The following MAGED1 variants were observed in gnomAD, a reference collection of about 807,000 sequenced individuals.
MAGED1 encodes the protein MAGE family member D1.
MAGED1 carries 3 observed loss-of-function variants against 54.1 expected under a neutral mutation model. That is an observed-to-expected ratio of 0.06 (90% CI 0.03 to 0.14). The LOEUF (loss-of-function observed/expected upper bound fraction) is 0.14. MAGED1 is among the 10% of genes least tolerant of loss of function. MAGED1 has a pLI of 1.00. For synonymous variants in MAGED1, 217 were observed against 227.3 expected, an observed-to-expected ratio of 0.95 and a Z score of 0.41; for missense variants, 485 against 623.4, an observed-to-expected ratio of 0.78 and a Z score of 2.36.
At chrX:51,838,142 T>C (rs1926319613) in intron 1 of MAGED1, among the ~76,000 whole-genome samples, 1 of 112,591 alleles carries the variant, frequency 8.9e-6, no homozygotes, top group African/African-American at 3.2e-5. Flanking sequence ...ATTGGCTGTT[T>C]ACTACTTTCC....
chrX:51,872,893 G>A (rs1927732432), intron 1 of MAGED1, among the ~76,000 whole-genome samples: 1 of 111,084 alleles, frequency 9.0e-6, no homozygotes, highest in Admixed American at 9.6e-5. Context: ...CCCTTATTTA[G>A]CAAATAATTA....
At chrX:51,882,979 C>A (rs1219027184) in intron 1 of MAGED1, among the ~76,000 whole-genome samples, 1 of 112,124 alleles carries the variant, frequency 8.9e-6, no homozygotes, top group Non-Finnish European at 1.9e-5. Context: ...GCGTGAGCCA[C>A]TGCACCTGGC....
At chrX:51,843,516 A>G (rs1441274664) in intron 1 of MAGED1, among the ~76,000 whole-genome samples, 2 of 111,647 alleles carry the variant, frequency 1.8e-5, no homozygotes, top group Non-Finnish European at 3.8e-5. Flanking sequence ...AACAGCCTCT[A>G]GAAAATGGAA....
chrX:51,830,930 C>T lies in MAGED1; in HGVS notation c.-37+27813C>T, dbSNP rs1926041128. Among the ~76,000 whole-genome samples, 6 of 112,148 alleles carry T rather than the reference C, an allele frequency of 5.4e-5. No homozygotes were observed. The Admixed American group carries it at 5.6e-4, about 11-fold the overall frequency. ...AGGCTGGAGTGCAGTGGCACGATCT[C>T]AGCTCACTACAACCTCTGCTTCCCT... On this transcript the variant is annotated intron_variant, in intron 1 of 12. Coordinates refer to the MAGED1 transcript ENST00000375772.
chrX:51,860,031 C>T (rs1011946059), intron 1 of MAGED1, among the ~76,000 whole-genome samples: 2 of 111,236 alleles, frequency 1.8e-5, no homozygotes, highest in East Asian at 5.7e-4. Context: ...TTTGGAAGGC[C>T]GAGGCGGGCA....
upstream of MAGED1, among the ~76,000 whole-genome samples, chrX:51,890,300 A>G (rs1337353179): frequency 8.9e-6 from 1 of 112,212 alleles, no homozygotes; most frequent in Non-Finnish European, 1.9e-5. Context: ...TACAACTGAA[A>G]AGTCGTGCCT....
intron 1 of MAGED1, among the ~76,000 whole-genome samples, chrX:51,860,632 A>C (rs782663893): frequency 1.8e-5 from 2 of 111,430 alleles, no homozygotes; most frequent in Non-Finnish European, 3.8e-5. Context: ...TGCTGCTGTG[A>C]AGCAAGTAGG....
At chrX:51,884,390 T>A (rs1928169593) in intron 1 of MAGED1, among the ~76,000 whole-genome samples, 1 of 111,926 alleles carries the variant, frequency 8.9e-6, no homozygotes, top group South Asian at 3.7e-4. Flanking sequence ...TGGAATTAAA[T>A]ACCCAATGAA....
intron 1 of MAGED1, among the ~76,000 whole-genome samples, chrX:51,870,539 C>T (rs1927633379): frequency 8.9e-6 from 1 of 111,827 alleles, no homozygotes; most frequent in Non-Finnish European, 1.9e-5. Flanking sequence ...CATGCTCTTT[C>T]CCCAGAGACA....
chrX:51,881,452 G>A (rs371771747), intron 1 of MAGED1, among the ~76,000 whole-genome samples: 1 of 103,293 alleles, frequency 9.7e-6, no homozygotes, highest in African/African-American at 3.6e-5. Flanking sequence ...TTTCGCTCTC[G>A]TTGCCCAGGC....
intron 1 of MAGED1, among the ~76,000 whole-genome samples, chrX:51,839,858 A>C (rs782583051): frequency 4.5e-5 from 5 of 112,332 alleles, no homozygotes; most frequent in African/African-American, 1.6e-4. Context: ...GTTAATAGAA[A>C]TCTGTCCTTC....
upstream of MAGED1, among the ~76,000 whole-genome samples, chrX:51,890,118 G>GA (rs1557363248): frequency 8.9e-6 from 1 of 111,894 alleles, no homozygotes; most frequent in African/African-American, 3.3e-5. Context: ...ACTAGAGACT[G>GA]AATAACTAAG....
Position 51,873,534 on chromosome X carries a change from T to TGAGAGAGA in MAGED1, c.-36-20716_-36-20709dup, listed in dbSNP as rs34476955. ...TAGACTGTGTGTGTGTGTGTGTGTG[T>TGAGAGAGA]GAGAGAGAGAGAGAGAGAGAGAGAG... On this transcript the variant is annotated intron_variant, in intron 1 of 12. Transcript: ENST00000375772. 3.9e-3 allele frequency among the ~76,000 whole-genome samples: 352 copies of TGAGAGAGA among 90,554 alleles called. 4 individuals carry two copies. The highest frequency in any genetic ancestry group is 9.7e-3 in the East Asian group (27 of 2,785). The allele number at this position is 90,554 out of a possible 115,157, so 78.6% of individuals were successfully genotyped here.
chrX:51,829,747 A>G (rs951077855), intron 1 of MAGED1, among the ~76,000 whole-genome samples: 14 of 111,943 alleles, frequency 1.3e-4, no homozygotes, highest in African/African-American at 4.2e-4. Flanking sequence ...AAGGGACTGA[A>G]AATCAAAATA....
At chrX:51,803,475 G>GC (rs1924922358) in intron 1 of MAGED1, among the ~76,000 whole-genome samples, 1 of 107,860 alleles carries the variant, frequency 9.3e-6, no homozygotes, top group Non-Finnish European at 1.9e-5. Flanking sequence ...TCCGCCTTCT[G>GC]CCCCCCATCC....
chrX:51,824,737 T>TTCCTC, intron 1 of MAGED1, among the ~76,000 whole-genome samples: 1 of 101,491 alleles, frequency 9.9e-6, no homozygotes. Flanking sequence ...TGTGTGTCTG[T>TTCCTC]ATATATATAT....
At chrX:51,890,070 G>C (rs1557363241), upstream of MAGED1, among the ~76,000 whole-genome samples, 2 of 112,109 alleles carry the variant, frequency 1.8e-5, no homozygotes, top group African/African-American at 6.5e-5. Context: ...TGTGGTGTGA[G>C]CCTTGGGCTG....
At chrX:51,891,326 G>A (rs1046784564), upstream of MAGED1, among the ~76,000 whole-genome samples, 2 of 112,890 alleles carry the variant, frequency 1.8e-5, no homozygotes, top group Admixed American at 9.3e-5. Context: ...ACATATATGT[G>A]TGTAAAGTAT....
intron 1 of MAGED1, among the ~76,000 whole-genome samples, chrX:51,872,900 A>T (rs2146996463): frequency 9.0e-6 from 1 of 111,514 alleles, no homozygotes; most frequent in South Asian, 3.8e-4. Context: ...TTAGCAAATA[A>T]TTAAGAATGG....
Sources: gnomAD v4.1 joint callset for allele counts (sites outside exome capture counted in the v4.1 genomes callset) on GRCh38, gnomAD v4.1.1 for gene constraint, MANE v1.5 for transcripts, NCBI Gene and HGNC (gene_info 2026-07-23, HGNC 2026-07-21) for gene names.